AFAP1L2: variants seen among roughly 807,000 people sequenced by gnomAD.
The protein encoded by AFAP1L2 is actin filament-associated protein 1-like 2.
AFAP1L2 carries 46 observed loss-of-function variants against 99.3 expected under a neutral mutation model. That is an observed-to-expected ratio of 0.46 (90% CI 0.37 to 0.59). AFAP1L2 has a LOEUF of 0.59. Ranked by LOEUF, AFAP1L2 falls within the 20% of genes least tolerant of loss-of-function variation. The pLI, the probability that AFAP1L2 is intolerant of heterozygous loss-of-function variation, is 0.00. For missense variants in AFAP1L2, 959 were observed against 1,034.9 expected (o/e 0.93, Z 1.01); for synonymous variants, 397 against 419.1 (o/e 0.95, Z 0.64).
chr10:114,385,814 T>A (rs1248347099), intron 1 of AFAP1L2, among the ~76,000 whole-genome samples: 1 of 152,140 alleles, frequency 6.6e-6, no homozygotes, highest in Non-Finnish European at 1.5e-5. Flanking sequence ...GCCAAGAACG[T>A]CAGTGAAAGA....
At chr10:114,292,556 G>A (rs75505378), downstream of AFAP1L2, among the ~76,000 whole-genome samples, 3,483 of 150,176 alleles carry the variant, frequency 0.023, 120 homozygotes, top group African/African-American at 0.079. Context: ...TGGCAAAGAG[G>A]CATATTTGGA....
the AFAP1L2 span, chr10:114,285,898 T>A: frequency 6.5e-7 from 1 of 1,537,818 alleles, no homozygotes; most frequent in Non-Finnish European, 8.8e-7. Flanking sequence ...GCATGCCGCA[T>A]GACCATGGCT....
chr10:114,282,402 C>A, the AFAP1L2 span: 2 of 832,310 alleles, frequency 2.4e-6, no homozygotes, highest in Admixed American at 2.0e-5. Context: ...GGAAGTCTTT[C>A]TTACTTCTGC....
At chr10:114,403,902 T>C (rs1239100354) in intron 1 of AFAP1L2, among the ~76,000 whole-genome samples, 3 of 152,130 alleles carry the variant, frequency 2.0e-5, no homozygotes, top group Admixed American at 6.5e-5. Flanking sequence ...AGAGAAACGA[T>C]GACCCGAACG....
At chr10:114,305,299 G>A (rs2042005048) in intron 10 of AFAP1L2, among the ~76,000 whole-genome samples, 1 of 146,912 alleles carries the variant, frequency 6.8e-6, no homozygotes, top group Non-Finnish European at 1.5e-5. Flanking sequence ...GGATGCGGAC[G>A]CAGGAGGGGA....
At chr10:114,402,606 G>C (rs2058327673) in intron 1 of AFAP1L2, among the ~76,000 whole-genome samples, 1 of 152,192 alleles carries the variant, frequency 6.6e-6, no homozygotes, top group South Asian at 2.1e-4. Flanking sequence ...TGGAAACGAA[G>C]TTCCCTTCAG....
downstream of AFAP1L2, chr10:114,291,260 G>C (rs1168087279): frequency 6.5e-7 from 1 of 1,549,146 alleles, no homozygotes; most frequent in Non-Finnish European, 8.7e-7. Flanking sequence ...CCGTGCAGGA[G>C]GGCAGCAGCC....
chr10:114,346,154 G>A (rs775441484), intron 1 of AFAP1L2, among the ~76,000 whole-genome samples: 3 of 152,180 alleles, frequency 2.0e-5, no homozygotes, highest in Admixed American at 1.3e-4. Context: ...CTGGGGATGA[G>A]AGAGAGTCAA....
chr10:114,338,117 C>A (rs2048260814), intron 2 of AFAP1L2, among the ~76,000 whole-genome samples: 2 of 152,222 alleles, frequency 1.3e-5, no homozygotes, highest in African/African-American at 4.8e-5. Flanking sequence ...TAGCGACATG[C>A]CTCGGCTTTA....
chr10:114,384,527 T>C (rs888906928), intron 1 of AFAP1L2, among the ~76,000 whole-genome samples: 12 of 152,242 alleles, frequency 7.9e-5, no homozygotes, highest in Non-Finnish European at 2.9e-5. Flanking sequence ...GGCTGAACGT[T>C]GCCTGGGGTG....
chr10:114,389,585 T>C (rs190250636), intron 1 of AFAP1L2, among the ~76,000 whole-genome samples: 214 of 152,322 alleles, frequency 1.4e-3, no homozygotes, highest in Middle Eastern at 6.8e-3. Context: ...AACCCAAGGA[T>C]GACTAAGAGC....
At chr10:114,339,663 G>A (rs1017152603) in intron 2 of AFAP1L2, among the ~76,000 whole-genome samples, 1 of 152,106 alleles carries the variant, frequency 6.6e-6, no homozygotes, top group Admixed American at 6.5e-5. Context: ...AGGTAACTAA[G>A]TTAAAATAAG....
At chr10:114,306,115 ATGCCTGGAGGGATGCAGG>A (rs1198244127) in intron 10 of AFAP1L2, among the ~76,000 whole-genome samples, 1 of 37,276 alleles carries the variant, frequency 2.7e-5, no homozygotes. Context: ...AGGGATGCAG[ATGCCTGGAGGGATGCAGG>A]TGCAGGAGGG....
chr10:114,325,194 T>C (rs950618709), intron 4 of AFAP1L2, among the ~76,000 whole-genome samples: 2 of 152,208 alleles, frequency 1.3e-5, no homozygotes, highest in Non-Finnish European at 2.9e-5. Flanking sequence ...ATAATAATAC[T>C]AGGGTTGTTT....
the AFAP1L2 span, chr10:114,286,470 T>C: frequency 6.3e-7 from 1 of 1,597,078 alleles, no homozygotes. Context: ...TTCAACCAAA[T>C]CCCTGAGCTG....
intron 1 of AFAP1L2, among the ~76,000 whole-genome samples, chr10:114,374,226 C>T (rs1254602174): frequency 6.6e-6 from 1 of 152,126 alleles, no homozygotes; most frequent in African/African-American, 2.4e-5. Context: ...CCAAACATCC[C>T]AGCTAAAATT....
chr10:114,329,434 T>C (rs1407852908), intron 4 of AFAP1L2, among the ~76,000 whole-genome samples: 1 of 152,180 alleles, frequency 6.6e-6, no homozygotes, highest in Non-Finnish European at 1.5e-5. Flanking sequence ...CTCATGAAAC[T>C]CTGCCCCTAC....
At chr10:114,360,511 A>AGTT (rs2052162617) in intron 1 of AFAP1L2, among the ~76,000 whole-genome samples, 1 of 80,660 alleles carries the variant, frequency 1.2e-5, no homozygotes, top group South Asian at 4.3e-4. Flanking sequence ...ATAGATAGTT[A>AGTT]GATAGATAGA....
At chr10:114,354,448 A>G (rs545916894) in intron 1 of AFAP1L2, among the ~76,000 whole-genome samples, 55 of 152,284 alleles carry the variant, frequency 3.6e-4, no homozygotes, top group Non-Finnish European at 6.0e-4. Flanking sequence ...AATGAGTGGA[A>G]ATTAATCATT....
Sources: gnomAD v4.1 joint callset for allele counts (sites outside exome capture counted in the v4.1 genomes callset) on GRCh38, gnomAD v4.1.1 for gene constraint, MANE v1.5 for transcripts, NCBI Gene and HGNC (gene_info 2026-07-23, HGNC 2026-07-21) for gene names.